The following PPM1L variants were observed in gnomAD, a reference collection of about 807,000 sequenced individuals.
The protein encoded by PPM1L is protein phosphatase, Mg2+/Mn2+ dependent 1L.
Under a neutral mutation model 31.4 loss-of-function variants are expected in PPM1L, and 13 were observed. That is an observed-to-expected ratio of 0.41 (90% CI 0.27 to 0.66). The LOEUF is 0.66. Ranked by LOEUF, PPM1L falls within the 30% of genes least tolerant of loss-of-function variation. The pLI, the probability that PPM1L is intolerant of heterozygous loss-of-function variation, is 0.29. For synonymous variants in PPM1L, 184 were observed against 175.4 expected, an observed-to-expected ratio of 1.05 and a Z score of -0.39; for missense variants, 326 against 453.7, an observed-to-expected ratio of 0.72 and a Z score of 2.56.
At chr3:160,794,781 A>T (rs1419294728) in intron 1 of PPM1L, among the ~76,000 whole-genome samples, 1 of 152,074 alleles carries the variant, frequency 6.6e-6, no homozygotes, top group Non-Finnish European at 1.5e-5. Flanking sequence ...TGGTGAGCTT[A>T]AAAAAAATCG....
intron 1 of PPM1L, among the ~76,000 whole-genome samples, chr3:160,824,803 T>G (rs574702759): frequency 9.0e-4 from 137 of 152,308 alleles, no homozygotes; most frequent in Non-Finnish European, 1.4e-3. Flanking sequence ...CTAATTTTTT[T>G]TAAAACTGTA....
At chr3:160,863,521 A>G (rs1711976787) in intron 1 of PPM1L, among the ~76,000 whole-genome samples, 2 of 152,178 alleles carry the variant, frequency 1.3e-5, no homozygotes, top group South Asian at 4.1e-4. Context: ...CAGTGGTGAG[A>G]AGGTTGACTT....
intron 1 of PPM1L, among the ~76,000 whole-genome samples, chr3:160,872,651 G>A (rs150005443): frequency 0.018 from 2,767 of 152,282 alleles, 82 homozygotes; most frequent in African/African-American, 0.063. Flanking sequence ...TTAGGGCTGG[G>A]CGCGGTGGCT....
chr3:160,944,807 ATAACATATATATG>A (rs1380416668), intron 1 of PPM1L, among the ~76,000 whole-genome samples: 1 of 23,186 alleles, frequency 4.3e-5, no homozygotes, highest in African/African-American at 1.0e-4. Context: ...TATAACATAT[ATAACATATATATG>A]TTATATATAA....
intron 1 of PPM1L, among the ~76,000 whole-genome samples, chr3:160,871,713 C>T (rs1306394668): frequency 2.0e-5 from 3 of 151,648 alleles, no homozygotes; most frequent in East Asian, 1.9e-4. Context: ...AGGCTCTGTA[C>T]GTATTATGGA....
At chr3:160,859,095 T>C (rs925542128) in intron 1 of PPM1L, among the ~76,000 whole-genome samples, 1 of 152,132 alleles carries the variant, frequency 6.6e-6, no homozygotes. Context: ...TTTTTCCCTA[T>C]AATATTCCTA....
chr3:161,066,893 A>C (rs373779187), intron 3 of PPM1L, among the ~76,000 whole-genome samples: 1 of 152,200 alleles, frequency 6.6e-6, no homozygotes, highest in East Asian at 1.9e-4. Context: ...ATTTTATTAC[A>C]ATCTCCTGCT....
intron 1 of PPM1L, among the ~76,000 whole-genome samples, chr3:160,937,053 G>T (rs35689709): frequency 0.1 from 15,053 of 150,906 alleles, 1,037 homozygotes; most frequent in Non-Finnish European, 0.15. Flanking sequence ...CAGCACTTGT[G>T]AACATTTTTA....
intron 2 of PPM1L, among the ~76,000 whole-genome samples, chr3:161,001,283 TTTTTG>T (rs1717471649): frequency 6.6e-6 from 1 of 151,664 alleles, no homozygotes; most frequent in Non-Finnish European, 1.5e-5. Flanking sequence ...AGTCTATAGT[TTTTTG>T]TTTTTTGTTC....
At chr3:161,010,268 T>G (rs1175449160) in intron 2 of PPM1L, among the ~76,000 whole-genome samples, 1 of 152,170 alleles carries the variant, frequency 6.6e-6, no homozygotes, top group Non-Finnish European at 1.5e-5. Flanking sequence ...TTTTTTGTCC[T>G]TGTGCTAGTT....
intron 1 of PPM1L, among the ~76,000 whole-genome samples, chr3:160,941,983 A>T (rs1171601482): frequency 6.6e-6 from 1 of 152,168 alleles, no homozygotes; most frequent in Admixed American, 6.5e-5. Context: ...GTGAATTTTG[A>T]CAGTTGCTCA....
At chr3:160,760,435 A>C (rs1714937290) in intron 1 of PPM1L, among the ~76,000 whole-genome samples, 2 of 152,112 alleles carry the variant, frequency 1.3e-5, no homozygotes, top group Admixed American at 6.5e-5. Flanking sequence ...GATGGATGAG[A>C]TTTTAAAGAG....
At chr3:160,901,292 A>G (rs1442557478) in intron 1 of PPM1L, among the ~76,000 whole-genome samples, 2 of 152,048 alleles carry the variant, frequency 1.3e-5, no homozygotes, top group Non-Finnish European at 2.9e-5. Context: ...TTTCCTAAAT[A>G]TTATTATCCA....
chr3:161,025,662 C>T (rs887336430), intron 2 of PPM1L, among the ~76,000 whole-genome samples: 3 of 151,986 alleles, frequency 2.0e-5, no homozygotes, highest in Admixed American at 1.3e-4. Flanking sequence ...AGCAAGAAGG[C>T]CCTCACTAGA....
chr3:160,831,406 C>A (rs59521461), intron 1 of PPM1L, among the ~76,000 whole-genome samples: 5,555 of 152,188 alleles, frequency 0.037, 124 homozygotes, highest in Middle Eastern at 0.068. Flanking sequence ...CTTTTTAATG[C>A]CCCAGTATCA....
intron 1 of PPM1L, among the ~76,000 whole-genome samples, chr3:160,948,710 G>T (rs1262233678): frequency 6.6e-6 from 1 of 152,074 alleles, no homozygotes; most frequent in African/African-American, 2.4e-5. Context: ...AATTTTGTAT[G>T]ATTTAAAAAA....
chr3:160,816,261 T>TTGTGTGTGTGTGTG (rs71147385), intron 1 of PPM1L, among the ~76,000 whole-genome samples: 28 of 147,982 alleles, frequency 1.9e-4, no homozygotes, highest in African/African-American at 6.9e-4. Context: ...GCAGTTTCAT[T>TTGTGTGTGTGTGTG]TGTGTGTGTG....
At chr3:160,810,565 A>C (rs750506952) in intron 1 of PPM1L, among the ~76,000 whole-genome samples, 1 of 152,194 alleles carries the variant, frequency 6.6e-6, no homozygotes, top group African/African-American at 2.4e-5. Context: ...AGAGTTGAAA[A>C]TATTTTAACC....
chr3:160,935,281 A>AT (rs1714932491), intron 1 of PPM1L, among the ~76,000 whole-genome samples: 1 of 152,184 alleles, frequency 6.6e-6, no homozygotes. Context: ...CACCCTGAAG[A>AT]TGTAGTTTCG....
Sources: gnomAD v4.1 joint callset for allele counts (sites outside exome capture counted in the v4.1 genomes callset) on GRCh38, gnomAD v4.1.1 for gene constraint, MANE v1.5 for transcripts, NCBI Gene and HGNC (gene_info 2026-07-23, HGNC 2026-07-21) for gene names.